The following CDH4 variants were observed in gnomAD, a reference collection of about 807,000 sequenced individuals.
CDH4 encodes the protein cadherin 4, also known as cadherin-4.
In CDH4, 33 loss-of-function variants were observed where a neutral mutation model predicts 86.0. The ratio of observed to expected loss-of-function variants is 0.38; its 90% CI spans 0.29 to 0.51. The LOEUF is 0.51. Ranked by LOEUF, CDH4 falls within the 20% of genes least tolerant of loss-of-function variation. CDH4 has a pLI of 0.86. For missense variants in CDH4, 1,114 were observed against 1,307.4 expected, an observed-to-expected ratio of 0.85 and a Z score of 2.28; for synonymous variants, 555 against 549.4, an observed-to-expected ratio of 1.01 and a Z score of -0.14.
intron 7 of CDH4, among the ~76,000 whole-genome samples, chr20:61,885,474 T>A (rs570063895): frequency 6.6e-6 from 1 of 152,380 alleles, no homozygotes; most frequent in South Asian, 2.1e-4. Flanking sequence ...TTCATGCCTC[T>A]TAATGGCTGA....
At chr20:61,662,833 C>T (rs954580774) in intron 2 of CDH4, among the ~76,000 whole-genome samples, 23 of 152,158 alleles carry the variant, frequency 1.5e-4, no homozygotes, top group Non-Finnish European at 1.5e-5. Flanking sequence ...CACACAGTGC[C>T]CTGCCCTCCT....
chr20:61,419,758 C>T (rs978879541), intron 2 of CDH4, among the ~76,000 whole-genome samples: 5 of 152,198 alleles, frequency 3.3e-5, no homozygotes, highest in Non-Finnish European at 5.9e-5. Context: ...TCCATCTAAC[C>T]CTCAGGCCTC....
At chr20:61,579,044 A>T (rs546232064) in intron 2 of CDH4, among the ~76,000 whole-genome samples, 44 of 152,232 alleles carry the variant, frequency 2.9e-4, no homozygotes, top group African/African-American at 8.9e-4. Flanking sequence ...GATCATCCTC[A>T]GTCCTGCGGG....
At chr20:61,438,366 A>G (rs2085296787) in intron 2 of CDH4, among the ~76,000 whole-genome samples, 1 of 152,226 alleles carries the variant, frequency 6.6e-6, no homozygotes, top group African/African-American at 2.4e-5. Flanking sequence ...TGTTTTTTCT[A>G]AAGAAGCTGG....
intron 2 of CDH4, among the ~76,000 whole-genome samples, chr20:61,529,075 A>T (rs1223989556): frequency 1.3e-5 from 2 of 152,176 alleles, no homozygotes; most frequent in Non-Finnish European, 2.9e-5. Flanking sequence ...TGGGTTTCAA[A>T]TCCATAGGAA....
chr20:61,575,082 G>A (rs1311025163), intron 2 of CDH4, among the ~76,000 whole-genome samples: 1 of 152,170 alleles, frequency 6.6e-6, no homozygotes, highest in Non-Finnish European at 1.5e-5. Context: ...TCATCTGCAG[G>A]TGACAACACT....
chr20:61,795,102 G>GTGGTGA (rs1555839647), intron 4 of CDH4, among the ~76,000 whole-genome samples: 1 of 111,146 alleles, frequency 9.0e-6, no homozygotes. Flanking sequence ...GGTAATGATG[G>GTGGTGA]TGATGATGGT....
chr20:61,319,690 A>G (rs1000264959), intron 2 of CDH4, among the ~76,000 whole-genome samples: 3 of 152,110 alleles, frequency 2.0e-5, no homozygotes, highest in Non-Finnish European at 4.4e-5. Flanking sequence ...GCATGCCTGT[A>G]ATCCCAGCAC....
Position 61,684,804 on chromosome 20 carries a change from G to A in CDH4, c.170-58759G>A, listed in dbSNP as rs531183386. On this transcript the variant is annotated intron_variant, in intron 2 of 15. Transcript: ENST00000614565. This position sits in a 1 kb window ranked among gnomAD's most constrained non-coding sequence, Gnocchi z 4.5. Reference sequence around the variant, plus strand: ...CAGCCGCCTGCCGTGACCACCCCTCGATGTGGGTGAGGTTTCTAAACTGCT... The same window carrying A: ...CAGCCGCCTGCCGTGACCACCCCTCAATGTGGGTGAGGTTTCTAAACTGCT... Among the ~76,000 whole-genome samples, 55 of 152,240 alleles carry A rather than the reference G, an allele frequency of 3.6e-4. No individual in the cohort carries two copies. Among genetic ancestry groups the A allele is most frequent in the Non-Finnish European group, 6.2e-4 (42 of 68,012 alleles).
chr20:61,340,475 C>CTGT (rs2084644194), intron 2 of CDH4, among the ~76,000 whole-genome samples: 1 of 152,176 alleles, frequency 6.6e-6, no homozygotes, highest in Non-Finnish European at 1.5e-5. Context: ...CTTGGACTTT[C>CTGT]CAAATAGGAT....
rs776852666 is a variant in CDH4, at chr20:61,439,785, G to A, written c.169+184848G>A. Among the ~76,000 whole-genome samples the A allele has an allele frequency of 9.8e-5, 15 of 152,342 alleles. 1 individual carries two copies. In the South Asian group the frequency reaches 2.1e-3, roughly 21 times the overall value. ...AATACAGAGGGGTAGGATTCGAGGCGCCTCTTTGGAGACCATCACCCTCAG... is the reference window on the plus strand; with the variant it reads ...AATACAGAGGGGTAGGATTCGAGGCACCTCTTTGGAGACCATCACCCTCAG... On this transcript the variant is annotated intron_variant, in intron 2 of 15. Transcript: ENST00000614565.
rs371192924 is a variant in CDH4, at chr20:61,871,712, G to A, written c.878-2016G>A. 3.2e-4 allele frequency among the ~76,000 whole-genome samples: 49 copies of A among 152,258 alleles called. 1 individual carries two copies. The South Asian group carries it at 9.8e-3, about 30-fold the overall frequency. On this transcript the variant is annotated intron_variant, in intron 6 of 15. Transcript: ENST00000614565. ...TGGGGGCAAGGATCATCGGGGTGGG[G>A]TCCCTAGTTCCAGAGGCTGATGGTC...
At chr20:61,556,745 C>G (rs185688248) in intron 2 of CDH4, among the ~76,000 whole-genome samples, 1 of 152,112 alleles carries the variant, frequency 6.6e-6, no homozygotes, top group Non-Finnish European at 1.5e-5. Context: ...GTCTTGGTGC[C>G]CCCCACCTTG....
chr20:61,345,200 C>T (rs959692691), intron 2 of CDH4, among the ~76,000 whole-genome samples: 8 of 152,246 alleles, frequency 5.3e-5, no homozygotes, highest in African/African-American at 1.9e-4. Context: ...GCGCCTCCCT[C>T]ACTGCTGGCA....
At position 61,254,957 on chromosome 20, in the gene CDH4, G is replaced by A. The variant is rs372995468; in HGVS notation, c.169+20G>A. 3.6e-6 allele frequency: 5 copies of A among 1,377,070 alleles called. No individual in the cohort carries two copies. The highest frequency in any genetic ancestry group is 1.4e-5 in the African/African-American group (1 of 70,384). 85.3% of individuals were successfully genotyped at this position (1,377,070 alleles called of 1,614,324 possible). Reference sequence around the variant, plus strand: ...TTCAAGGTAAGGCGGGGTGTGGAGGGGTGGGAGTGAATTGCTGCCATGCTT... The same window carrying A: ...TTCAAGGTAAGGCGGGGTGTGGAGGAGTGGGAGTGAATTGCTGCCATGCTT... On this transcript the variant is annotated intron_variant, in intron 2 of 15. Transcript: ENST00000614565.
intron 7 of CDH4, among the ~76,000 whole-genome samples, chr20:61,890,965 C>T (rs776293239): frequency 1.3e-5 from 2 of 152,016 alleles, no homozygotes; most frequent in Non-Finnish European, 2.9e-5. Flanking sequence ...TGTGGCTGTC[C>T]GGGTCACGCT....
intron 2 of CDH4, among the ~76,000 whole-genome samples, chr20:61,371,954 C>T (rs1373126759): frequency 6.6e-6 from 1 of 152,094 alleles, no homozygotes; most frequent in Admixed American, 6.5e-5. Context: ...TGGAGATGAC[C>T]CAGAGTAATG....
intron 2 of CDH4, among the ~76,000 whole-genome samples, chr20:61,481,152 C>T (rs1270270626): frequency 1.3e-5 from 2 of 152,200 alleles, no homozygotes; most frequent in Non-Finnish European, 2.9e-5. Flanking sequence ...ATCTTGTTCT[C>T]AACTGCAGTT....
chr20:61,731,022 A>G (rs768748819), intron 2 of CDH4, among the ~76,000 whole-genome samples: 1 of 151,444 alleles, frequency 6.6e-6, no homozygotes, highest in Non-Finnish European at 1.5e-5. Flanking sequence ...TCAGGCAGCA[A>G]GGGTGTGCTG....
Sources: gnomAD v4.1 joint callset for allele counts (sites outside exome capture counted in the v4.1 genomes callset) on GRCh38, gnomAD v4.1.1 for gene constraint, Gnocchi (gnomAD v3.1) non-coding constraint, MANE v1.5 for transcripts, NCBI Gene and HGNC (gene_info 2026-07-23, HGNC 2026-07-21) for gene names.